The following LRRC7 variants were observed in gnomAD, a reference collection of about 807,000 sequenced individuals.
LRRC7 encodes the protein leucine-rich repeat-containing protein 7.
A neutral mutation model predicts 175.7 loss-of-function variants in LRRC7; 23 were observed. That is an observed-to-expected ratio of 0.13 (90% CI 0.09 to 0.19). The LOEUF is 0.19. Ranked by LOEUF, LRRC7 falls within the 10% of genes least tolerant of loss-of-function variation. LRRC7 has a pLI of 1.00. For synonymous variants in LRRC7, 685 were observed against 680.9 expected, an observed-to-expected ratio of 1.01 and a Z score of -0.09; for missense variants, 1,354 against 1,904.7, an observed-to-expected ratio of 0.71 and a Z score of 5.38.
intron 20 of LRRC7, among the ~76,000 whole-genome samples, 194 bp from the exon 21 acceptor site, chr1:70,037,919 G>GA (rs200652200): frequency 2.6e-5 from 4 of 151,708 alleles, no homozygotes; most frequent in African/African-American, 9.7e-5. Context: ...TTATTACTAG[G>GA]AAAAAAAAGT....
chr1:70,018,339 T>C (rs1003470318), intron 14 of LRRC7, among the ~76,000 whole-genome samples: 1 of 152,076 alleles, frequency 6.6e-6, no homozygotes, highest in African/African-American at 2.4e-5. Context: ...TAGCATAAAT[T>C]TGATAGCAAA....
intron 7 of LRRC7, among the ~76,000 whole-genome samples, chr1:69,851,972 A>G (rs1349577245): frequency 1.3e-5 from 2 of 152,112 alleles, no homozygotes; most frequent in Non-Finnish European, 2.9e-5. Flanking sequence ...AAAATTTAAG[A>G]TGGGAGGTAA....
chr1:69,688,769 G>A lies in LRRC7; in HGVS notation c.100+10291G>A, dbSNP rs1236940461. 2.6e-5 allele frequency among the ~76,000 whole-genome samples: 4 copies of A among 152,084 alleles called. No individual in the cohort carries two copies. In the East Asian group the frequency reaches 5.8e-4, roughly 22 times the overall value. The stretch of plus-strand genomic sequence containing the variant: ...CCAGGAGAATGCTATGTACTCATTG[G>A]CCTCACCCTATTGTGCTGGACCAAT... On this transcript the variant is annotated intron_variant, in intron 2 of 26. Coordinates refer to ENST00000651989, the MANE Select transcript of LRRC7 (RefSeq NM_001370785.2).
chr1:70,008,639 G>A (rs1181292081), intron 11 of LRRC7, among the ~76,000 whole-genome samples: 2 of 152,142 alleles, frequency 1.3e-5, no homozygotes, highest in Admixed American at 1.3e-4. Flanking sequence ...GATTAATGAC[G>A]TTTTCCTTGG....
chr1:69,626,355 T>G (rs1651533601), intron 1 of LRRC7, among the ~76,000 whole-genome samples: 1 of 150,514 alleles, frequency 6.6e-6, no homozygotes, highest in African/African-American at 2.4e-5. Flanking sequence ...TACTGCCTTG[T>G]TAACTCTCTG....
chr1:69,767,325 A>G (rs971538081), intron 3 of LRRC7, among the ~76,000 whole-genome samples: 1 of 152,184 alleles, frequency 6.6e-6, no homozygotes, highest in Non-Finnish European at 1.5e-5. Flanking sequence ...TGTTATTTTT[A>G]TATTACACAT....
rs370764732 is a variant in LRRC7 at position 69,955,121 on chromosome 1, A to G, written c.711+23551A>G. Reference sequence around the variant, plus strand: ...CCACACACAGAGCATAGCACTTGATATATAAGTGCTCAATAAATATTTGTT... The same window carrying G: ...CCACACACAGAGCATAGCACTTGATGTATAAGTGCTCAATAAATATTTGTT... On this transcript the variant is annotated intron_variant, in intron 8 of 26. Transcript: ENST00000651989. Among the ~76,000 whole-genome samples the G allele has an allele frequency of 1.1e-4, 17 of 152,190 alleles. No individual in the cohort carries two copies. In the South Asian group the frequency reaches 3.5e-3, roughly 31 times the overall value.
intron 4 of LRRC7, among the ~76,000 whole-genome samples, chr1:69,816,197 C>G (rs1374748406): frequency 6.6e-6 from 1 of 151,944 alleles, no homozygotes; most frequent in Non-Finnish European, 1.5e-5. Flanking sequence ...AGGCTAGTCT[C>G]GAACTCCTGA....
chr1:69,608,812 G>GTCTC (rs558298354), intron 1 of LRRC7, among the ~76,000 whole-genome samples: 2 of 91,642 alleles, frequency 2.2e-5, no homozygotes, highest in African/African-American at 8.2e-5. Flanking sequence ...TGCTCTGTCT[G>GTCTC]TCTCTCTCTC....
chr1:69,710,180 G>A (rs962542228), intron 2 of LRRC7, among the ~76,000 whole-genome samples: 3 of 150,332 alleles, frequency 2.0e-5, no homozygotes, highest in Non-Finnish European at 4.4e-5. Context: ...TTGGGAGGCT[G>A]AGGCAGGAGA....
At chr1:69,920,189 C>G (rs1307574182) in intron 7 of LRRC7, 2 of 170,776 alleles carry the variant, frequency 1.2e-5, no homozygotes, top group African/African-American at 4.8e-5. Context: ...GATGCGAGGG[C>G]CCAGAGTTGT....
chr1:70,077,931 T>C (rs1662902220), intron 24 of LRRC7, among the ~76,000 whole-genome samples: 1 of 152,186 alleles, frequency 6.6e-6, no homozygotes. Flanking sequence ...GTCTGAACTA[T>C]AACTCAGAAT....
intron 2 of LRRC7, among the ~76,000 whole-genome samples, chr1:69,740,956 CAATA>C (rs1054375832): frequency 4.0e-5 from 6 of 151,742 alleles, no homozygotes; most frequent in African/African-American, 1.5e-4. Context: ...TAAATATATA[CAATA>C]TTTATTGTAA....
intron 11 of LRRC7, among the ~76,000 whole-genome samples, chr1:70,008,005 A>G (rs1177048941): frequency 1.3e-5 from 2 of 152,116 alleles, no homozygotes; most frequent in Non-Finnish European, 2.9e-5. Flanking sequence ...TCTTAGGGGA[A>G]TAGAACTAAT....
intron 1 of LRRC7, among the ~76,000 whole-genome samples, chr1:69,643,505 C>T (rs1373565445): frequency 6.6e-6 from 1 of 152,138 alleles, no homozygotes; most frequent in African/African-American, 2.4e-5. Context: ...CTCCTCCAGC[C>T]TCCTTCAGCT....
At chr1:69,671,244 G>A (rs548706637) in intron 1 of LRRC7, among the ~76,000 whole-genome samples, 2 of 152,170 alleles carry the variant, frequency 1.3e-5, no homozygotes, top group South Asian at 4.1e-4. Context: ...TTCCCCTCAA[G>A]GCAGCATGTT....
intron 8 of LRRC7, among the ~76,000 whole-genome samples, chr1:69,953,755 TCCA>T (rs1557926740): frequency 1.3e-5 from 2 of 152,054 alleles, no homozygotes; most frequent in South Asian, 2.1e-4. Flanking sequence ...GACTCCTGTG[TCCA>T]CACAGTGTAT....
intron 8 of LRRC7, among the ~76,000 whole-genome samples, chr1:69,946,801 G>GGCGCA: frequency 6.6e-6 from 1 of 152,134 alleles, no homozygotes; most frequent in Non-Finnish European, 1.5e-5. Flanking sequence ...GAGTAGGCCA[G>GGCGCA]GCGCAGTGGC....
At chr1:70,029,506 T>C (rs990947292) in intron 18 of LRRC7, among the ~76,000 whole-genome samples, 1 of 152,112 alleles carries the variant, frequency 6.6e-6, no homozygotes, top group African/African-American at 2.4e-5. Context: ...GAAAAAAAAT[T>C]AGCATTCATT....
Sources: gnomAD v4.1 joint callset for allele counts (sites outside exome capture counted in the v4.1 genomes callset) on GRCh38, gnomAD v4.1.1 for gene constraint, MANE v1.5 for transcripts, NCBI Gene and HGNC (gene_info 2026-07-23, HGNC 2026-07-21) for gene names.